Variants in GUCY2C observed in about 807,000 individuals in gnomAD.
GUCY2C encodes guanylyl cyclase C.
A neutral mutation model predicts 131.1 loss-of-function variants in GUCY2C; 118 were observed. That is an observed-to-expected ratio of 0.90 (90% CI 0.78 to 1.05). GUCY2C has a LOEUF of 1.05. Among genes scored for constraint, GUCY2C ranks in the 50% least tolerant of loss-of-function variants. GUCY2C has a pLI of 0.00. For missense variants in GUCY2C, 1,161 were observed against 1,304.4 expected (o/e 0.89, Z 1.69); for synonymous variants, 452 against 457.8 (o/e 0.99, Z 0.16).
chr12:14,688,674 TC>T (rs1373536744), intron 1 of GUCY2C, among the ~76,000 whole-genome samples: 1 of 152,140 alleles, frequency 6.6e-6, no homozygotes, highest in Non-Finnish European at 1.5e-5. Context: ...GAACAAAAGT[TC>T]CCCCTTTCAA....
Position 14,696,311 on chromosome 12 carries a change from G to A in GUCY2C, c.138C>T (p.Ala46=), listed in dbSNP as rs373943895. The part of the protein sequence containing the change: ...EISVLMMGNS[A]FAEPLKNLED... Reference sequence around the variant, plus strand: ...CCAAGTTTTTCAGGGGCTCTGCAAAGGCTGAGTTGCCCATCATCAGGACGC... The same window carrying A: ...CCAAGTTTTTCAGGGGCTCTGCAAAAGCTGAGTTGCCCATCATCAGGACGC... The change falls in exon 1 of 27, where the codon GCC becomes GCT. Residue 46 remains alanine (A), a synonymous_variant. Coordinates refer to ENST00000261170, the MANE Select transcript of GUCY2C (RefSeq NM_004963.4). 5.7e-4 allele frequency: 920 copies of A among 1,613,994 alleles called. No individual in the cohort carries two copies. The highest frequency in any genetic ancestry group is 7.5e-4 in the Non-Finnish European group (890 of 1,180,000).
intron 18 of GUCY2C, 87 bp from the exon 19 acceptor site, chr12:14,640,037 C>T: frequency 1.1e-6 from 1 of 887,392 alleles, no homozygotes; most frequent in Non-Finnish European, 1.9e-6. Flanking sequence ...AGTTGATTCA[C>T]TCCCCTGGAT....
Position 14,659,784 on chromosome 12 carries a change from T to C in GUCY2C, c.1364+1197A>G, listed in dbSNP as rs147504321. On this transcript the variant is annotated intron_variant, in intron 11 of 26. Coordinates refer to ENST00000261170, the MANE Select transcript of GUCY2C (RefSeq NM_004963.4). ...AGTTTTCTTGCATAGGCTGTTGTAA[T>C]GGCAAACTGCATGTGTACCACCTGT... is the stretch of plus-strand genomic sequence containing the variant. Among the ~76,000 whole-genome samples, 426 of 152,336 alleles carry C rather than the reference T, an allele frequency of 2.8e-3. 3 individuals carry two copies. Among genetic ancestry groups the C allele is most frequent in the African/African-American group, 9.6e-3 (397 of 41,568 alleles).
chr12:14,627,151 G>A (rs964529970), intron 20 of GUCY2C, among the ~76,000 whole-genome samples: 3 of 152,136 alleles, frequency 2.0e-5, no homozygotes, highest in Non-Finnish European at 4.4e-5. Flanking sequence ...CAGAGATAAT[G>A]TTCATAACAT....
At chr12:14,693,842 A>G (rs1422724852) in intron 1 of GUCY2C, among the ~76,000 whole-genome samples, 1 of 152,250 alleles carries the variant, frequency 6.6e-6, no homozygotes, top group Non-Finnish European at 1.5e-5. Flanking sequence ...AACTGTAAAT[A>G]ATGGAGCAGG....
Position 14,683,334 on chromosome 12 carries a change from G to T in GUCY2C, c.396-77C>A, listed in dbSNP as rs1592144513. 6 of 838,718 alleles carry T rather than the reference G, an allele frequency of 7.2e-6. No individual in the cohort carries two copies. In the East Asian group the frequency reaches 1.2e-4, roughly 17 times the overall value. The allele number at this position is 838,718 out of a possible 1,614,324, so 52.0% of individuals were successfully genotyped here. On this transcript the variant is annotated intron_variant, in intron 3 of 26. Coordinates refer to ENST00000261170, the MANE Select transcript of GUCY2C (RefSeq NM_004963.4). Reference sequence around the variant, plus strand: ...CACAAATAAGATCCCTCTTTAACCTGTTTCAGCATGTATGTATAAATGGTA... The same window carrying T: ...CACAAATAAGATCCCTCTTTAACCTTTTTCAGCATGTATGTATAAATGGTA...
At chr12:14,678,556 T>C (rs977941901) in intron 6 of GUCY2C, among the ~76,000 whole-genome samples, 1 of 152,244 alleles carries the variant, frequency 6.6e-6, no homozygotes, top group African/African-American at 2.4e-5. Flanking sequence ...GTTTAGAGTC[T>C]AGTTGGTTAA....
chr12:14,640,836 C>T (rs111233363), intron 18 of GUCY2C, among the ~76,000 whole-genome samples: 12 of 152,156 alleles, frequency 7.9e-5, no homozygotes, highest in East Asian at 5.8e-4. Flanking sequence ...CAATTGTAAA[C>T]GAAGATTGTT....
intron 10 of GUCY2C, among the ~76,000 whole-genome samples, chr12:14,663,718 G>A (rs1947915422): frequency 6.6e-6 from 1 of 152,142 alleles, no homozygotes; most frequent in African/African-American, 2.4e-5. Context: ...CTAAACTCCT[G>A]GGGGCACAGT....
chr12:14,688,441 C>A (rs1406110813), intron 1 of GUCY2C, among the ~76,000 whole-genome samples: 1 of 152,136 alleles, frequency 6.6e-6, no homozygotes, highest in Non-Finnish European at 1.5e-5. Context: ...TTTCACAACC[C>A]TAGATGCAGC....
intron 3 of GUCY2C, among the ~76,000 whole-genome samples, chr12:14,685,724 C>T (rs1488138335): frequency 6.6e-6 from 1 of 152,086 alleles, no homozygotes; most frequent in Non-Finnish European, 1.5e-5. Context: ...ATAACATGAA[C>T]TAAATATATT....
At chr12:14,676,142 A>G (rs1239591678) in intron 7 of GUCY2C, among the ~76,000 whole-genome samples, 8 of 151,962 alleles carry the variant, frequency 5.3e-5, no homozygotes, top group Admixed American at 3.9e-4. Flanking sequence ...GCCTGCTCTC[A>G]ATGGTTTGTC....
Position 14,696,048 on chromosome 12 carries a change from G to A in GUCY2C, c.217+184C>T, listed in dbSNP as rs76042810. Among the ~76,000 whole-genome samples the A allele has an allele frequency of 8.8e-4, 134 of 152,256 alleles. 2 individuals carry two copies. In the East Asian group the frequency reaches 0.02, roughly 22 times the overall value. ...TCCCAGAGCAAGGTGAAGTGTGAGT[G>A]AGCACAGCATAATAGGGTTCAAATT... On this transcript the variant is annotated intron_variant, in intron 1 of 26. Transcript: ENST00000261170.
In GUCY2C at chr12:14,681,460, T is replaced by C. The variant is rs1169276499; in HGVS notation, c.629A>G (p.Glu210Gly). Residue 210 changes from glutamate (E) to glycine (G), a missense_variant, in exon 5 of 27, where the codon GAG becomes GGG. Glu to Gly is a moderately conservative substitution (Grantham distance 98, BLOSUM62 -2). Transcript: ENST00000261170. ...EDCFWYLNAL[E>G]ASVSYFSHEL... ...GTGGGAGAAATAGGAAACGCTAGCCTCCAGAGCATTAAGGTACCTGGAATA... is the reference window on the plus strand; with the variant it reads ...GTGGGAGAAATAGGAAACGCTAGCCCCCAGAGCATTAAGGTACCTGGAATA... 3.7e-6 allele frequency: 6 copies of C among 1,604,596 alleles called. No individual in the cohort carries two copies. The highest frequency in any genetic ancestry group is 4.3e-6 in the Non-Finnish European group (5 of 1,176,328).
intron 13 of GUCY2C, 119 bp downstream of exon 13, chr12:14,652,833 C>A: frequency 1.3e-6 from 1 of 772,994 alleles, no homozygotes. Context: ...AGAATAGCCC[C>A]TAGGAACAGA....
intron 2 of GUCY2C, 142 bp downstream of exon 2, chr12:14,687,809 C>T: frequency 1.6e-6 from 1 of 613,574 alleles, no homozygotes; most frequent in Non-Finnish European, 2.9e-6. Context: ...GCCAGAGTCT[C>T]CTGCCTGGTA....
intron 1 of GUCY2C, among the ~76,000 whole-genome samples, chr12:14,690,784 G>A (rs536849586): frequency 7.6e-4 from 115 of 152,118 alleles, no homozygotes; most frequent in African/African-American, 2.5e-3. Flanking sequence ...CTCATGATCC[G>A]CCCGCCTCGG....
At chr12:14,683,842 A>C (rs1948403104) in intron 3 of GUCY2C, among the ~76,000 whole-genome samples, 1 of 152,002 alleles carries the variant, frequency 6.6e-6, no homozygotes, top group African/African-American at 2.4e-5. Flanking sequence ...TGTTCCTCCA[A>C]ACTGTTTTTC....
At chr12:14,669,656 A>G in intron 10 of GUCY2C, 66 bp downstream of exon 10, 1 of 810,378 alleles carries the variant, frequency 1.2e-6, no homozygotes, top group South Asian at 1.6e-5. Context: ...TACATAAACA[A>G]TAGACTTTAC....
Sources: gnomAD v4.1 joint callset for allele counts (sites outside exome capture counted in the v4.1 genomes callset) on GRCh38, gnomAD v4.1.1 for gene constraint, MANE v1.5 for transcripts, NCBI Gene and HGNC (gene_info 2026-07-23, HGNC 2026-07-21) for gene names.